The following MMP26 variants were observed in gnomAD, a reference collection of about 807,000 sequenced individuals.
MMP26 encodes matrix metallopeptidase 26.
MMP26 carries 33 observed loss-of-function variants against 31.0 expected under a neutral mutation model. The ratio of observed to expected loss-of-function variants is 1.06; its 90% CI spans 0.81 to 1.42. The LOEUF (loss-of-function observed/expected upper bound fraction) is 1.42, where lower values mean the gene tolerates loss of function less well. Ranked by LOEUF, MMP26 falls within the 40% of genes most tolerant of loss-of-function variation. The pLI, the probability that MMP26 is intolerant of heterozygous loss-of-function variation, is 0.00. For synonymous variants in MMP26, 122 were observed against 114.9 expected (o/e 1.06, Z -0.40); for missense variants, 347 against 316.1 (o/e 1.10, Z -0.74).
At chr11:4,836,509 G>A (rs36094653) in intron 2 of MMP26, among the ~76,000 whole-genome samples, 2 of 151,140 alleles carry the variant, frequency 1.3e-5, no homozygotes, top group Non-Finnish European at 2.9e-5. Flanking sequence ...TATTTAACAG[G>A]TGATTCTGCC....
intron 2 of MMP26, among the ~76,000 whole-genome samples, chr11:4,786,585 C>A (rs1347524986): frequency 7.6e-6 from 1 of 131,194 alleles, no homozygotes; most frequent in Non-Finnish European, 1.5e-5. Flanking sequence ...CTTCAGGAGC[C>A]AAATGACTGA....
chr11:4,960,609 C>A (rs556718989), intron 2 of MMP26, among the ~76,000 whole-genome samples: 20 of 151,690 alleles, frequency 1.3e-4, no homozygotes, highest in Non-Finnish European at 1.9e-4. Context: ...TGGATCTGAT[C>A]ATAATCCTGA....
At chr11:4,946,829 G>A (rs1472914367) in intron 2 of MMP26, 2 of 1,587,682 alleles carry the variant, frequency 1.3e-6, no homozygotes, top group Non-Finnish European at 8.6e-7. Context: ...AATTTCAGGA[G>A]CATTGAACAG....
chr11:4,961,884 C>G (rs1001006614), intron 2 of MMP26, among the ~76,000 whole-genome samples: 7 of 152,154 alleles, frequency 4.6e-5, no homozygotes, highest in Non-Finnish European at 8.8e-5. Flanking sequence ...CAATGAAAAA[C>G]AGTTTCAAGG....
intron 5 of MMP26, among the ~76,000 whole-genome samples, chr11:4,991,060 T>C (rs1448913824): frequency 6.6e-6 from 1 of 152,104 alleles, no homozygotes; most frequent in African/African-American, 2.4e-5. Context: ...TATAAAAACT[T>C]TCTGAGTTTA....
chr11:4,754,758 G>A (rs531403104), intron 1 of MMP26, among the ~76,000 whole-genome samples: 14 of 152,026 alleles, frequency 9.2e-5, no homozygotes, highest in African/African-American at 1.4e-4. Context: ...GTGGACAATG[G>A]ATTTTATATA....
intron 2 of MMP26, among the ~76,000 whole-genome samples, chr11:4,785,185 C>G (rs1408595570): frequency 6.6e-6 from 1 of 152,180 alleles, no homozygotes; most frequent in African/African-American, 2.4e-5. Context: ...CTGAAAGTCT[C>G]ACATTCCAAG....
chr11:4,867,740 C>A (rs1296193302), intron 2 of MMP26, among the ~76,000 whole-genome samples: 2 of 151,984 alleles, frequency 1.3e-5, no homozygotes, highest in Non-Finnish European at 2.9e-5. Context: ...AGTCAAAAAA[C>A]AACAGATGCT....
chr11:4,891,122 C>A (rs1209321659), intron 2 of MMP26, among the ~76,000 whole-genome samples: 1 of 151,872 alleles, frequency 6.6e-6, no homozygotes. Flanking sequence ...TTGTTGCAAA[C>A]ATTTGTTCAG....
chr11:4,742,461 T>A (rs1848327378), intron 1 of MMP26, among the ~76,000 whole-genome samples: 1 of 152,124 alleles, frequency 6.6e-6, no homozygotes, highest in Admixed American at 6.6e-5. Flanking sequence ...GATGGTTAAT[T>A]TCATGTGTCA....
At chr11:4,816,623 A>C (rs1370472135) in intron 2 of MMP26, among the ~76,000 whole-genome samples, 1 of 151,992 alleles carries the variant, frequency 6.6e-6, no homozygotes. Context: ...AACAAAAAAA[A>C]ATTGATATGA....
At chr11:4,731,262 A>G (rs1746814629) in intron 1 of MMP26, among the ~76,000 whole-genome samples, 6 of 152,170 alleles carry the variant, frequency 3.9e-5, no homozygotes, top group Admixed American at 3.9e-4. Context: ...TCAGTAGGCC[A>G]CTTTGGGTTT....
chr11:4,720,709 G>C (rs1396026591), intron 1 of MMP26, among the ~76,000 whole-genome samples: 2 of 152,100 alleles, frequency 1.3e-5, no homozygotes, highest in Non-Finnish European at 2.9e-5. Flanking sequence ...ATAATGAGAG[G>C]GAGCTGCTCT....
intron 2 of MMP26, among the ~76,000 whole-genome samples, chr11:4,933,530 T>G (rs1229030014): frequency 1.3e-4 from 15 of 111,464 alleles, no homozygotes; most frequent in African/African-American, 2.3e-4. Flanking sequence ...TTTTTTTGTT[T>G]TTTTTTTTGT....
chr11:4,860,590 G>T, intron 2 of MMP26: 1 of 429,752 alleles, frequency 2.3e-6, no homozygotes, highest in Non-Finnish European at 4.8e-6. Context: ...GGGTGGGGCT[G>T]GACTCCTCCA....
chr11:4,749,881 A>G (rs1848426746), intron 1 of MMP26, among the ~76,000 whole-genome samples: 1 of 152,206 alleles, frequency 6.6e-6, no homozygotes, highest in South Asian at 2.1e-4. Flanking sequence ...CAAGGAGTTC[A>G]TGACTAAGAC....
At chr11:4,770,369 C>A (rs1848700482) in intron 2 of MMP26, among the ~76,000 whole-genome samples, 2 of 152,194 alleles carry the variant, frequency 1.3e-5, no homozygotes, top group African/African-American at 4.8e-5. Flanking sequence ...AGACACAGAT[C>A]TCCAGATATT....
chr11:4,830,182 G>C (rs1441234894), intron 2 of MMP26: 1 of 152,208 alleles, frequency 6.6e-6, no homozygotes, highest in Non-Finnish European at 1.5e-5. Context: ...AGCTGCAGAA[G>C]CTGGAGGATC....
At chr11:4,718,979 A>G in intron 1 of MMP26, 1 of 185,476 alleles carries the variant, frequency 5.4e-6, no homozygotes, top group South Asian at 1.1e-4. Context: ...ATGGCTTTTG[A>G]TCGTTTTGTG....
Sources: gnomAD v4.1 joint callset for allele counts (sites outside exome capture counted in the v4.1 genomes callset) on GRCh38, gnomAD v4.1.1 for gene constraint, MANE v1.5 for transcripts, NCBI Gene and HGNC (gene_info 2026-07-23, HGNC 2026-07-21) for gene names.